HAS3: variants seen among roughly 807,000 people sequenced by gnomAD.
The protein encoded by HAS3 is HA synthase 3.
In HAS3, 27 loss-of-function variants were observed where a neutral mutation model predicts 50.3. That is an observed-to-expected ratio of 0.54 (90% CI 0.40 to 0.74). The LOEUF (loss-of-function observed/expected upper bound fraction) is 0.74, where lower values mean the gene tolerates loss of function less well. HAS3 is among the 30% of genes least tolerant of loss of function. The pLI is 0.00. For synonymous variants in HAS3, 339 were observed against 310.9 expected, an observed-to-expected ratio of 1.09 and a Z score of -0.95; for missense variants, 517 against 742.8, an observed-to-expected ratio of 0.70 and a Z score of 3.53.
At chr16:69,105,614 T>C (rs905740859), upstream of HAS3, 1 of 152,376 alleles carries the variant, frequency 6.6e-6, no homozygotes, top group East Asian at 1.9e-4. Context: ...GCTGTCACAA[T>C]TGTTAACACC....
upstream of HAS3, among the ~76,000 whole-genome samples, chr16:69,104,992 G>GGTTT (rs1567576954): frequency 4.3e-4 from 35 of 81,956 alleles, no homozygotes; most frequent in Non-Finnish European, 6.5e-4. Flanking sequence ...CTGTTTTTTG[G>GGTTT]TTTTTTTTTT....
rs1042286187 is a variant in HAS3, at chr16:69,114,097, G to C, written c.739-246G>C. On this transcript the variant is annotated intron_variant, in intron 3 of 3. Transcript: ENST00000569188. The surrounding 1 kb of genome is among the most constrained non-coding windows in gnomAD (Gnocchi z 6.4). ...AGACCGAAGGTGGCTTTGACTGCTA[G>C]AGCCACTTAGTGGGGAAAATCTCTG... 2.0e-5 allele frequency among the ~76,000 whole-genome samples: 3 copies of C among 152,232 alleles called. No homozygotes were observed. Among genetic ancestry groups the C allele is most frequent in the Non-Finnish European group, 4.4e-5 (3 of 68,046 alleles).
the HAS3 span, among the ~76,000 whole-genome samples, chr16:69,098,471 G>A: frequency 1.3e-5 from 2 of 151,668 alleles, no homozygotes; most frequent in African/African-American, 4.8e-5. Flanking sequence ...TCAAACTCCT[G>A]GACTCAGGCA....
chr16:69,115,892 T>G lies in HAS3; in HGVS notation c.*626T>G, dbSNP rs571905266. 1.0e-6 allele frequency: 1 copy of G among 985,718 alleles called. No homozygotes were observed. Among genetic ancestry groups the G allele is most frequent in the East Asian group, 1.1e-4 (1 of 8,820 alleles). The allele number at this position is 985,718 out of a possible 1,614,324, so 61.1% of individuals were successfully genotyped here. On this transcript the variant is annotated 3_prime_UTR_variant, in exon 4 of 4. Transcript: ENST00000569188. ...AGGGATGAGCCAAACCAGCAGGGAG[T>G]TAGCACTGAACTGCTTTTAAAAGTG...
rs1012110097 is a variant in HAS3, at chr16:69,106,511, C to T, written c.-1+724C>T. The T allele has an allele frequency of 6.6e-6, 1 of 151,856 alleles. No individual in the cohort carries two copies. Among genetic ancestry groups the T allele is most frequent in the Non-Finnish European group, 1.5e-5 (1 of 67,918 alleles). The allele number at this position is 151,856 out of a possible 1,614,324, so 9.4% of individuals were successfully genotyped here. A position where few individuals can be genotyped will look rare whatever the true frequency, so the allele number is the denominator to read the frequency against. On this transcript the variant is annotated intron_variant, in intron 1 of 3. Transcript: ENST00000569188. This position sits in a 1 kb window ranked among gnomAD's most constrained non-coding sequence, Gnocchi z 5.5. Reference sequence around the variant, plus strand: ...AGCCCCGGGCTTCCCGGCGGCCGTTCCTGCAGCCCCCTCCCCACTGACCCC... The same window carrying T: ...AGCCCCGGGCTTCCCGGCGGCCGTTTCTGCAGCCCCCTCCCCACTGACCCC...
intron 3 of HAS3, among the ~76,000 whole-genome samples, chr16:69,113,878 GC>G (rs750616811): frequency 3.9e-5 from 6 of 152,202 alleles, no homozygotes; most frequent in Non-Finnish European, 8.8e-5. Flanking sequence ...AGCAGCCCTT[GC>G]TCTTAGGAGA....
At chr16:69,098,080 G>A in the HAS3 span, among the ~76,000 whole-genome samples, 12 of 152,124 alleles carry the variant, frequency 7.9e-5, no homozygotes, top group East Asian at 2.3e-3. Context: ...ACCCCACCCT[G>A]CCCGGGCTTA....
the HAS3 span, chr16:69,083,828 G>A: frequency 4.5e-6 from 3 of 673,888 alleles, no homozygotes; most frequent in South Asian, 6.0e-5. Flanking sequence ...CCTTCCGAGG[G>A]CATGTGTTCA....
At chr16:69,113,343 G>A (rs889039195) in intron 2 of HAS3, 98 bp from the exon 3 acceptor site, 64 of 802,326 alleles carry the variant, frequency 8.0e-5, no homozygotes, top group Non-Finnish European at 2.0e-5. Context: ...GTGTGAAGGG[G>A]TCATGTCTCT....
chr16:69,105,243 A>G (rs889062768), upstream of HAS3, among the ~76,000 whole-genome samples: 5 of 151,764 alleles, frequency 3.3e-5, no homozygotes, highest in Non-Finnish European at 5.9e-5. Flanking sequence ...ATTAATTATA[A>G]TTTCTCTTCA....
upstream of HAS3, among the ~76,000 whole-genome samples, chr16:69,102,598 C>G (rs527965201): frequency 1.7e-3 from 257 of 152,288 alleles, 1 homozygote; most frequent in African/African-American, 6.1e-3. Flanking sequence ...CTAGGGCAGG[C>G]CATTTAGGGG....
chr16:69,113,165 T>C (rs1961065217), intron 2 of HAS3, among the ~76,000 whole-genome samples: 2 of 152,226 alleles, frequency 1.3e-5, no homozygotes, highest in Non-Finnish European at 2.9e-5. Context: ...TTGCGTCCAG[T>C]GCTAAGCATG....
At chr16:69,098,281 G>C in the HAS3 span, among the ~76,000 whole-genome samples, 2 of 152,022 alleles carry the variant, frequency 1.3e-5, no homozygotes, top group African/African-American at 4.8e-5. Flanking sequence ...TGAGGCAGGA[G>C]AATGGCGTGA....
chr16:69,085,630 C>A, the HAS3 span, among the ~76,000 whole-genome samples: 1 of 151,636 alleles, frequency 6.6e-6, no homozygotes, highest in Non-Finnish European at 1.5e-5. Context: ...ACTGTGTCAC[C>A]CAGGCAGGAG....
chr16:69,111,981 T>C (rs1961017363), intron 2 of HAS3, among the ~76,000 whole-genome samples: 1 of 152,220 alleles, frequency 6.6e-6, no homozygotes, highest in Admixed American at 6.5e-5. Flanking sequence ...AAGGTTGCCC[T>C]GGGCCAGAGC....
Position 69,109,482 on chromosome 16 carries a change from T to C in HAS3, c.87T>C (p.Tyr29=). The C allele has an allele frequency of 6.2e-7, 1 of 1,613,928 alleles. No homozygotes were observed. The highest frequency in any genetic ancestry group is 1.1e-5 in the South Asian group (1 of 91,088). The change falls in exon 2 of 4, where the codon TAT becomes TAC. Residue 29 remains tyrosine, a synonymous_variant. Transcript: ENST00000569188. The surrounding 1 kb of genome is among the most constrained non-coding windows in gnomAD (Gnocchi z 5.3). ...LAVLGGILAA[Y]VTGYQFIHTE... is the part of the protein sequence containing the mutation. ...TGCTGGGTGGCATCCTGGCAGCCTA[T>C]GTGACGGGCTACCAGTTCATCCACA...
chr16:69,086,680 A>G, the HAS3 span, among the ~76,000 whole-genome samples: 1 of 152,116 alleles, frequency 6.6e-6, no homozygotes, highest in Non-Finnish European at 1.5e-5. Context: ...CGAAGTGGGC[A>G]GATCACCTGA....
chr16:69,106,403 C>G lies in HAS3; in HGVS notation c.-1+616C>G, dbSNP rs1191272109. Reference sequence around the variant, plus strand: ...GGCGCGCCGGGTGGCAGGGGTGCCTCTCGCCGAGCCCCCCGCACCCGGCCA... The same window carrying G: ...GGCGCGCCGGGTGGCAGGGGTGCCTGTCGCCGAGCCCCCCGCACCCGGCCA... On this transcript the variant is annotated intron_variant, in intron 1 of 3. Transcript: ENST00000569188. This position sits in a 1 kb window ranked among gnomAD's most constrained non-coding sequence, Gnocchi z 5.5. 1.4e-5 allele frequency: 2 copies of G among 148,020 alleles called. No individual in the cohort carries two copies. The highest frequency in any genetic ancestry group is 6.7e-5 in the Admixed American group (1 of 14,960). The allele number at this position is 148,020 out of a possible 1,614,324, so 9.2% of individuals were successfully genotyped here. A position where few individuals can be genotyped will look rare whatever the true frequency, so the allele number is the denominator to read the frequency against.
chr16:69,086,840 A>G, the HAS3 span, among the ~76,000 whole-genome samples: 1 of 152,132 alleles, frequency 6.6e-6, no homozygotes, highest in African/African-American at 2.4e-5. Context: ...GGAAGCAGAG[A>G]TTGTGGTGAG....
Sources: allele counts gnomAD v4.1 joint callset (sites outside exome capture counted in the v4.1 genomes callset), GRCh38; gene constraint gnomAD v4.1.1; non-coding constraint Gnocchi (gnomAD v3.1); transcripts MANE v1.5; gene names NCBI Gene and HGNC (gene_info 2026-07-23, HGNC 2026-07-21).